The following LRMDA variants were observed in gnomAD, a reference collection of about 807,000 sequenced individuals.
The protein encoded by LRMDA is leucine-rich melanocyte differentiation-associated protein.
In LRMDA, 18 loss-of-function variants were observed where a neutral mutation model predicts 29.8. The ratio of observed to expected loss-of-function variants is 0.60; its 90% CI spans 0.42 to 0.90. The LOEUF (loss-of-function observed/expected upper bound fraction) is 0.90. Among genes scored for constraint, LRMDA ranks in the 40% least tolerant of loss-of-function variants. LRMDA has a pLI of 0.00. For missense variants in LRMDA, 273 were observed against 273.9 expected (o/e 1.00, Z 0.02); for synonymous variants, 125 against 109.4 (o/e 1.14, Z -0.89).
chr10:76,381,021 C>CTT (rs538112084), intron 6 of LRMDA, among the ~76,000 whole-genome samples: 72 of 96,906 alleles, frequency 7.4e-4, no homozygotes, highest in African/African-American at 1.2e-3. Context: ...TTTATCTTTG[C>CTT]TTTTTTTTTT....
intron 2 of LRMDA, among the ~76,000 whole-genome samples, chr10:75,562,693 C>T (rs1840314962): frequency 6.6e-6 from 1 of 152,056 alleles, no homozygotes; most frequent in African/African-American, 2.4e-5. Context: ...ATGTTTAGTG[C>T]TTCCTTCAGG....
chr10:75,436,075 G>T (rs72807460), intron 1 of LRMDA, among the ~76,000 whole-genome samples: 15 of 89,252 alleles, frequency 1.7e-4, no homozygotes, highest in Admixed American at 1.6e-3. Context: ...AAAAAAAAAA[G>T]AGAGAGAGAA....
chr10:76,015,460 G>T (rs1030542732), intron 2 of LRMDA, among the ~76,000 whole-genome samples: 1 of 152,162 alleles, frequency 6.6e-6, no homozygotes, highest in African/African-American at 2.4e-5. Flanking sequence ...TTGCCACATG[G>T]ACCTCTCCAT....
At chr10:75,487,887 A>G (rs1237751181) in intron 2 of LRMDA, among the ~76,000 whole-genome samples, 1 of 152,190 alleles carries the variant, frequency 6.6e-6, no homozygotes, top group African/African-American at 2.4e-5. Context: ...GAGATGGGGC[A>G]TGGGTCACTC....
intron 2 of LRMDA, among the ~76,000 whole-genome samples, chr10:75,641,028 AC>A (rs1841447073): frequency 6.6e-6 from 1 of 152,252 alleles, no homozygotes; most frequent in African/African-American, 2.4e-5. Flanking sequence ...CTGTTAAGAC[AC>A]ACAAGGAAGT....
At chr10:76,006,185 C>T (rs1191075880) in intron 2 of LRMDA, among the ~76,000 whole-genome samples, 2 of 152,290 alleles carry the variant, frequency 1.3e-5, no homozygotes, top group East Asian at 3.9e-4. Context: ...CTTTATCTTC[C>T]TGGAGTGTCC....
At chr10:75,607,178 T>C (rs553943982) in intron 2 of LRMDA, among the ~76,000 whole-genome samples, 1 of 152,378 alleles carries the variant, frequency 6.6e-6, no homozygotes, top group African/African-American at 2.4e-5. Context: ...GAGAAATGGT[T>C]ACTTCCAAAG....
rs992221748 is a variant in LRMDA, at chr10:76,030,385, A to T, written c.132-5623A>T. 7.9e-5 allele frequency among the ~76,000 whole-genome samples: 12 copies of T among 152,274 alleles called. No individual in the cohort carries two copies. The East Asian group carries it at 1.9e-3, about 24-fold the overall frequency. On this transcript the variant is annotated intron_variant, in intron 2 of 6. Transcript: ENST00000611255. ...TATAGTAATATATAACATGTATAATATATGTCGTAATATATAGAGTTACGT... is the reference window on the plus strand; with the variant it reads ...TATAGTAATATATAACATGTATAATTTATGTCGTAATATATAGAGTTACGT...
At chr10:76,545,650 ATTATT>A (rs888348953) in intron 6 of LRMDA, among the ~76,000 whole-genome samples, 5 of 138,738 alleles carry the variant, frequency 3.6e-5, no homozygotes, top group Non-Finnish European at 7.9e-5. Context: ...TATTATTATT[ATTATT>A]ATTATTATTA....
chr10:76,301,152 A>C lies in LRMDA; in HGVS notation c.517-23249A>C, dbSNP rs78619756. On this transcript the variant is annotated intron_variant, in intron 5 of 6. Transcript: ENST00000611255. Reference sequence around the variant, plus strand: ...AAAAATTACCATTTCAATTGTTGATACAAAGTATTTTTGAGGTCTGCAGAA... The same window carrying C: ...AAAAATTACCATTTCAATTGTTGATCCAAAGTATTTTTGAGGTCTGCAGAA... 9.3e-3 allele frequency among the ~76,000 whole-genome samples: 1,411 copies of C among 152,316 alleles called. 11 individuals carry two copies. Among genetic ancestry groups the C allele is most frequent in the South Asian group, 0.027 (129 of 4,820 alleles).
At chr10:76,112,497 G>C (rs1186354202) in intron 5 of LRMDA, among the ~76,000 whole-genome samples, 4 of 152,236 alleles carry the variant, frequency 2.6e-5, no homozygotes, top group Non-Finnish European at 4.4e-5. Context: ...GGTGGGGAGG[G>C]GGGCGCTTCC....
At chr10:76,246,110 C>G (rs1405641677) in intron 5 of LRMDA, among the ~76,000 whole-genome samples, 1 of 152,142 alleles carries the variant, frequency 6.6e-6, no homozygotes, top group African/African-American at 2.4e-5. Flanking sequence ...AAGTTCACAG[C>G]CTTTGGGCTT....
intron 2 of LRMDA, among the ~76,000 whole-genome samples, chr10:75,811,650 G>A (rs1031401372): frequency 6.6e-6 from 1 of 152,186 alleles, no homozygotes; most frequent in Non-Finnish European, 1.5e-5. Context: ...TTCTAGTTCA[G>A]TCCTTTTACA....
At chr10:75,547,971 G>A (rs1278019882) in intron 2 of LRMDA, among the ~76,000 whole-genome samples, 1 of 152,074 alleles carries the variant, frequency 6.6e-6, no homozygotes, top group African/African-American at 2.4e-5. Context: ...TTACTCACAA[G>A]AAGAGGGCTT....
At chr10:75,943,602 G>A (rs1429414660) in intron 2 of LRMDA, among the ~76,000 whole-genome samples, 1 of 152,210 alleles carries the variant, frequency 6.6e-6, no homozygotes, top group East Asian at 1.9e-4. Context: ...CCTGTGATAT[G>A]TTAGCTGCTG....
At chr10:76,554,870 GGT>G (rs72203665) in intron 6 of LRMDA, among the ~76,000 whole-genome samples, 23,452 of 150,480 alleles carry the variant, frequency 0.16, 2,247 homozygotes, top group East Asian at 0.5. Flanking sequence ...CATGGTGGGT[GGT>G]GTGTGTGTGT....
At chr10:76,320,771 C>T (rs1286321143) in intron 5 of LRMDA, among the ~76,000 whole-genome samples, 2 of 152,198 alleles carry the variant, frequency 1.3e-5, no homozygotes, top group Non-Finnish European at 2.9e-5. Flanking sequence ...ATCATATATA[C>T]AGCTGAAGTT....
chr10:75,706,158 C>G (rs117766118), intron 2 of LRMDA, among the ~76,000 whole-genome samples: 87 of 152,230 alleles, frequency 5.7e-4, no homozygotes, highest in Non-Finnish European at 9.6e-4. Flanking sequence ...GCATACTATT[C>G]TATCAAACAA....
At chr10:76,545,664 T>TATTA (rs1210855823) in intron 6 of LRMDA, among the ~76,000 whole-genome samples, 1 of 148,294 alleles carries the variant, frequency 6.7e-6, no homozygotes, top group East Asian at 1.9e-4. Context: ...TTATTATTAT[T>TATTA]ATTATTATTG....
Sources: gnomAD v4.1 joint callset for allele counts (sites outside exome capture counted in the v4.1 genomes callset) on GRCh38, gnomAD v4.1.1 for gene constraint, MANE v1.5 for transcripts, NCBI Gene and HGNC (gene_info 2026-07-23, HGNC 2026-07-21) for gene names.